Variants in LARP4B observed in about 807,000 individuals in gnomAD.
LARP4B encodes La ribonucleoprotein 4B, also known as la-related protein 4B.
Under a neutral mutation model 89.8 loss-of-function variants are expected in LARP4B, and 12 were observed. That is an observed-to-expected ratio of 0.13 (90% confidence interval 0.09 to 0.22). The LOEUF (loss-of-function observed/expected upper bound fraction) is 0.22. LARP4B is among the 10% of genes least tolerant of loss of function. The pLI is 1.00. For synonymous variants in LARP4B, 367 were observed against 363.3 expected, an observed-to-expected ratio of 1.01 and a Z score of -0.12; for missense variants, 757 against 947.7, an observed-to-expected ratio of 0.80 and a Z score of 2.64.
chr10:866,993 C>G (rs1450322252), intron 3 of LARP4B, among the ~76,000 whole-genome samples: 1 of 151,948 alleles, frequency 6.6e-6, no homozygotes, highest in Non-Finnish European at 1.5e-5. Context: ...GGGAGGTGCT[C>G]AAGATATATG....
chr10:909,235 G>C (rs543299165), intron 1 of LARP4B, among the ~76,000 whole-genome samples: 2 of 150,020 alleles, frequency 1.3e-5, no homozygotes, highest in Non-Finnish European at 3.0e-5. Context: ...TGGAGCTTGC[G>C]GTGAGCCGAG....
At chr10:983,741 G>A in the LARP4B span, among the ~76,000 whole-genome samples, 3 of 152,120 alleles carry the variant, frequency 2.0e-5, no homozygotes, top group African/African-American at 4.8e-5. Flanking sequence ...GGGCTTTCAC[G>A]TATGAATTTG....
chr10:896,928 A>C (rs1316827221), intron 1 of LARP4B, among the ~76,000 whole-genome samples: 1 of 152,144 alleles, frequency 6.6e-6, no homozygotes, highest in Non-Finnish European at 1.5e-5. Flanking sequence ...AATGCCAACA[A>C]ACCCCAAATT....
chr10:987,534 G>A, the LARP4B span: 1 of 152,222 alleles, frequency 6.6e-6, no homozygotes, highest in African/African-American at 2.4e-5. Context: ...TTCGAGCCTT[G>A]TGTGCCTTTG....
At chr10:906,052 T>C (rs967240810) in intron 1 of LARP4B, among the ~76,000 whole-genome samples, 1 of 152,214 alleles carries the variant, frequency 6.6e-6, no homozygotes, top group African/African-American at 2.4e-5. Context: ...TACATAAATC[T>C]TTAGCTATTT....
At chr10:906,594 C>T (rs1283971642) in intron 1 of LARP4B, among the ~76,000 whole-genome samples, 1 of 152,204 alleles carries the variant, frequency 6.6e-6, no homozygotes, top group Non-Finnish European at 1.5e-5. Context: ...TTGAGTTATG[C>T]TCCTGTGCTC....
chr10:969,910 G>C, the LARP4B span, among the ~76,000 whole-genome samples: 2 of 152,138 alleles, frequency 1.3e-5, no homozygotes. Flanking sequence ...GGGACCGTGA[G>C]CATTTTGGCA....
intron 5 of LARP4B, 90 bp downstream of exon 5, chr10:863,653 A>G (rs1199607788): frequency 7.5e-7 from 1 of 1,331,960 alleles, no homozygotes. Flanking sequence ...AGAAAGACCC[A>G]TTGTGTAGAG....
At chr10:960,401 G>A in the LARP4B span, among the ~76,000 whole-genome samples, 3 of 152,058 alleles carry the variant, frequency 2.0e-5, no homozygotes, top group Non-Finnish European at 2.9e-5. Context: ...AGAACGGGAG[G>A]GAGGCGCTGG....
At chr10:818,601 C>G (rs926300225) in intron 14 of LARP4B, 1 of 152,184 alleles carries the variant, frequency 6.6e-6, no homozygotes, top group Non-Finnish European at 1.5e-5. Flanking sequence ...GGCAGTAATA[C>G]CTTTTATTGG....
intron 5 of LARP4B, among the ~76,000 whole-genome samples, chr10:852,137 G>A (rs1331968805): frequency 6.6e-6 from 1 of 152,104 alleles, no homozygotes; most frequent in African/African-American, 2.4e-5. Flanking sequence ...CACATGACTT[G>A]TTTCACTTCC....
intron 15 of LARP4B, among the ~76,000 whole-genome samples, chr10:816,004 G>GA (rs1249258203): frequency 1.8e-4 from 28 of 152,350 alleles, no homozygotes; most frequent in African/African-American, 6.0e-4. Flanking sequence ...TGAGGTGGAC[G>GA]AATCACCTGA....
chr10:913,525 C>T (rs1836731818), intron 1 of LARP4B, among the ~76,000 whole-genome samples: 1 of 152,218 alleles, frequency 6.6e-6, no homozygotes, highest in South Asian at 2.1e-4. Flanking sequence ...GTCTTCTCAT[C>T]AGCAAATACT....
At chr10:938,988 G>A in the LARP4B span, among the ~76,000 whole-genome samples, 4 of 152,230 alleles carry the variant, frequency 2.6e-5, no homozygotes, top group African/African-American at 7.2e-5. Context: ...AGCTGGGTGT[G>A]ATGGGTACAG....
At chr10:830,194 T>C (rs1243211023) in intron 9 of LARP4B, among the ~76,000 whole-genome samples, 2 of 152,180 alleles carry the variant, frequency 1.3e-5, no homozygotes, top group East Asian at 3.8e-4. Context: ...ATTAAACCCC[T>C]ATAAAACTGT....
intron 3 of LARP4B, chr10:870,077 G>A (rs1835124247): frequency 2.0e-6 from 2 of 984,376 alleles, no homozygotes; most frequent in Non-Finnish European, 2.4e-6. Flanking sequence ...TAGCTGAGGA[G>A]TGTTTTCTGA....
intron 9 of LARP4B, 25 bp downstream of exon 9, chr10:830,842 T>A: frequency 1.0e-6 from 1 of 986,664 alleles, no homozygotes; most frequent in Non-Finnish European, 1.6e-6. Flanking sequence ...ATGCAATTCA[T>A]AGGGTGATGG....
At chr10:834,877 G>A (rs1018179886) in intron 8 of LARP4B, among the ~76,000 whole-genome samples, 6 of 151,902 alleles carry the variant, frequency 3.9e-5, no homozygotes, top group Non-Finnish European at 8.8e-5. Flanking sequence ...TCGGCCGGGC[G>A]CGGTGGCTCA....
At position 811,411 on chromosome 10, in the gene LARP4B, A is replaced by G. The variant is rs1313598779; in HGVS notation, c.*1515T>C. 2 of 152,756 alleles carry G rather than the reference A, an allele frequency of 1.3e-5. No homozygotes were observed. The highest frequency in any genetic ancestry group is 1.9e-4 in the East Asian group (1 of 5,190). 9.5% of individuals were successfully genotyped at this position (152,756 alleles called of 1,614,324 possible). ...CTATTTGCATTTACAGGATTTTCCAACATTCTGAAAAAAGATCAACTGTTG... is the reference window on the plus strand; with the variant it reads ...CTATTTGCATTTACAGGATTTTCCAGCATTCTGAAAAAAGATCAACTGTTG... On this transcript the variant is annotated 3_prime_UTR_variant, in exon 18 of 18. Coordinates refer to ENST00000316157, the MANE Select transcript of LARP4B (RefSeq NM_015155.3).
Sources: gnomAD v4.1 joint callset for allele counts (sites outside exome capture counted in the v4.1 genomes callset) on GRCh38, gnomAD v4.1.1 for gene constraint, MANE v1.5 for transcripts, NCBI Gene and HGNC (gene_info 2026-07-23, HGNC 2026-07-21) for gene names.